The following COL9A3 variants were observed in gnomAD, a reference collection of about 807,000 sequenced individuals.
COL9A3 encodes the protein collagen alpha-3(IX) chain.
In COL9A3, 82 loss-of-function variants were observed where a neutral mutation model predicts 110.2. The ratio of observed to expected loss-of-function variants is 0.74; its 90% CI spans 0.62 to 0.89. The LOEUF (loss-of-function observed/expected upper bound fraction) is 0.89, where lower values mean the gene tolerates loss of function less well. COL9A3 is among the 40% of genes least tolerant of loss of function. The probability of loss-of-function intolerance (pLI) is 0.00; values close to 1 mark genes in which losing one functional copy is unlikely to be tolerated. For synonymous variants in COL9A3, 494 were observed against 403.8 expected (o/e 1.22, Z -2.68); for missense variants, 1,066 against 981.3 (o/e 1.09, Z -1.15).
intron 16 of COL9A3, 45 bp from the exon 17 acceptor site, chr20:62,827,878 C>A: frequency 6.2e-7 from 1 of 1,603,694 alleles, no homozygotes; most frequent in Non-Finnish European, 8.5e-7. Context: ...GTGAGGCCGT[C>A]TGGGAAGAGA....
chr20:62,818,167 C>CT (rs1409513716), intron 2 of COL9A3, among the ~76,000 whole-genome samples: 2 of 152,288 alleles, frequency 1.3e-5, no homozygotes, highest in Admixed American at 1.3e-4. Flanking sequence ...CATGTGACCA[C>CT]CACCAGGGCA....
chr20:62,819,897 G>A (rs755712999), intron 4 of COL9A3, 32 bp from the exon 5 acceptor site: 8 of 1,612,272 alleles, frequency 5.0e-6, no homozygotes, highest in Middle Eastern at 1.6e-4. Flanking sequence ...TTCCCATGTG[G>A]CCCCTCGAGC....
At chr20:62,830,649 C>A in intron 24 of COL9A3, 61 bp downstream of exon 24, 3 of 886,826 alleles carry the variant, frequency 3.4e-6, no homozygotes, top group East Asian at 3.1e-5. Flanking sequence ...ACCACAGTCC[C>A]CCACCCCCAT....
upstream of COL9A3, chr20:62,816,993 G>T: frequency 1.1e-6 from 1 of 920,308 alleles, no homozygotes; most frequent in East Asian, 4.3e-5. Flanking sequence ...AAGGGGAAGG[G>T]GCCGCCCACC....
intron 13 of COL9A3, 137 bp downstream of exon 13, chr20:62,826,007 C>A (rs1169952161): frequency 8.7e-6 from 10 of 1,155,816 alleles, no homozygotes; most frequent in Admixed American, 2.2e-5. Flanking sequence ...AGGAGCGCGA[C>A]CTGGCTGGGG....
In COL9A3 at chr20:62,817,063, C is replaced by T. The variant is rs1443872703; in HGVS notation, c.-2C>T. 2.2e-6 allele frequency: 3 copies of T among 1,371,846 alleles called. No individual in the cohort carries two copies. The highest frequency in any genetic ancestry group is 1.9e-6 in the Non-Finnish European group (2 of 1,055,704). The allele number at this position is 1,371,846 out of a possible 1,614,324, so 85.0% of individuals were successfully genotyped here. On this transcript the variant is annotated 5_prime_UTR_variant, in exon 1 of 32. Transcript: ENST00000649368. ...ACGCCGCAGCTCAGACTCCGCTCAG[C>T]CATGGCCGGGCCGCGCGCGTGCGCC...
At position 62,817,090 on chromosome 20, in the gene COL9A3, CGCTCCTGCTCCT is replaced by C; in HGVS notation, c.37_48del (p.Leu13_Leu16del). ...ATGGCCGGGCCGCGCGCGTGCGCCC[CGCTCCTGCTCCT>C]GCTCCTGCTCGGGGAGCTTCTGGCG... On this transcript the variant is annotated inframe_deletion, in exon 1 of 32. Transcript: ENST00000649368. 3 of 1,394,766 alleles carry C rather than the reference CGCTCCTGCTCCT, an allele frequency of 2.2e-6. No homozygotes were observed. Among genetic ancestry groups the C allele is most frequent in the South Asian group, 1.4e-5 (1 of 70,508 alleles). 86.4% of individuals were successfully genotyped at this position (1,394,766 alleles called of 1,614,324 possible). A position where few individuals can be genotyped will look rare whatever the true frequency, so the allele number is the denominator to read the frequency against.
rs775960810 is a variant in COL9A3 at position 62,817,106 on chromosome 20, C to T, written c.42C>T (p.Leu14=). The T allele has an allele frequency of 6.4e-6, 9 of 1,406,314 alleles. No homozygotes were observed. In the South Asian group the frequency reaches 6.9e-5, roughly 11 times the overall value. 87.1% of individuals were successfully genotyped at this position (1,406,314 alleles called of 1,614,324 possible). Residue 14 remains leucine, a synonymous_variant, in exon 1 of 32, where the codon CTC becomes CTT. Transcript: ENST00000649368. ...PRACAPLLLL[L]LLGELLAAAG... is the part of the protein sequence containing the mutation. ...CGTGCGCCCCGCTCCTGCTCCTGCT[C>T]CTGCTCGGGGAGCTTCTGGCGGCCG...
intron 2 of COL9A3, 34 bp from the exon 3 acceptor site, chr20:62,818,484 T>A: frequency 2.5e-6 from 4 of 1,608,348 alleles, no homozygotes; most frequent in Non-Finnish European, 3.4e-6. Flanking sequence ...GACCCCTGAT[T>A]TTCAGGGTTA....
In COL9A3 at chr20:62,829,692, G is replaced by C; in HGVS notation, c.1107+11G>C. 6.2e-7 allele frequency: 1 copy of C among 1,606,620 alleles called. No homozygotes were observed. The highest frequency in any genetic ancestry group is 8.5e-7 in the Non-Finnish European group (1 of 1,177,458). ...GAGCCAGGCGTCCCTGTGAGTATCT[G>C]CGGCGCCCCAGACCCCTCCCCATCC... On this transcript the variant is annotated intron_variant, in intron 21 of 31. Transcript: ENST00000649368.
At chr20:62,823,809 C>A (rs2063528756) in intron 10 of COL9A3, among the ~76,000 whole-genome samples, 1 of 152,256 alleles carries the variant, frequency 6.6e-6, no homozygotes. Context: ...CCTGAGGCTG[C>A]TGCAAGGCCC....
intron 30 of COL9A3, among the ~76,000 whole-genome samples, chr20:62,837,509 G>T (rs1172143339): frequency 2.6e-5 from 4 of 152,214 alleles, no homozygotes; most frequent in Admixed American, 6.5e-5. Context: ...GGGAGGGATT[G>T]ATTTAAAATG....
intron 15 of COL9A3, 102 bp downstream of exon 15, chr20:62,826,922 G>C (rs2734519): frequency 7.5e-7 from 1 of 1,326,400 alleles, no homozygotes; most frequent in Non-Finnish European, 1.1e-6. Flanking sequence ...CCCCTCTTCT[G>C]TGGCTGAGCT....
intron 6 of COL9A3, 37 bp downstream of exon 6, chr20:62,821,253 G>C (rs2063509922): frequency 6.2e-7 from 1 of 1,605,928 alleles, no homozygotes; most frequent in Middle Eastern, 1.7e-4. Context: ...CTCCATGGGA[G>C]TTTGGGGAGC....
Position 62,841,043 on chromosome 20 carries a change from T to G in COL9A3, c.*311T>G. The stretch of plus-strand genomic sequence containing the variant: ...ATTCAGTAACTTGTTTACATAGCAT[T>G]TGTGTAAAGACTATGATCTCATCCC... On this transcript the variant is annotated 3_prime_UTR_variant, in exon 32 of 32. Coordinates refer to ENST00000649368, the MANE Select transcript of COL9A3 (RefSeq NM_001853.4). 1 of 361,602 alleles carries G rather than the reference T, an allele frequency of 2.8e-6. No individual in the cohort carries two copies. The highest frequency in any genetic ancestry group is 2.1e-5 in the African/African-American group (1 of 47,450). The allele number at this position is 361,602 out of a possible 1,614,324, so 22.4% of individuals were successfully genotyped here.
chr20:62,822,677 C>T, intron 10 of COL9A3, 45 bp downstream of exon 10: 1 of 1,597,120 alleles, frequency 6.3e-7, no homozygotes, highest in Non-Finnish European at 8.5e-7. Flanking sequence ...GGGGTGCCTA[C>T]CTTGGGGGGA....
intron 26 of COL9A3, 76 bp from the exon 27 acceptor site, chr20:62,835,845 A>C (rs1434245039): frequency 6.7e-7 from 1 of 1,491,214 alleles, no homozygotes; most frequent in African/African-American, 1.4e-5. Context: ...GATTTGATTT[A>C]TTTTATCCTC....
intron 5 of COL9A3, among the ~76,000 whole-genome samples, chr20:62,820,307 A>C (rs1991076719): frequency 6.6e-6 from 1 of 151,904 alleles, no homozygotes; most frequent in Non-Finnish European, 1.5e-5. Flanking sequence ...GACCACCACC[A>C]GGGACCCCCG....
chr20:62,829,857 A>C (rs1248359326), intron 22 of COL9A3, 38 bp downstream of exon 22: 1 of 1,541,258 alleles, frequency 6.5e-7, no homozygotes, highest in South Asian at 1.2e-5. Context: ...GGGGGTTAGC[A>C]CTGAGCCATT....
Sources: allele counts gnomAD v4.1 joint callset (sites outside exome capture counted in the v4.1 genomes callset), GRCh38; gene constraint gnomAD v4.1.1; transcripts MANE v1.5; gene names NCBI Gene and HGNC (gene_info 2026-07-23, HGNC 2026-07-21).